The following SLC12A9 variants were observed in gnomAD, a reference collection of about 807,000 sequenced individuals.
SLC12A9 encodes solute carrier family 12 member 9, also known as CCC-interacting protein 1.
SLC12A9 carries 55 observed loss-of-function variants against 66.0 expected under a neutral mutation model. That is an observed-to-expected ratio of 0.83 (90% CI 0.67 to 1.04). SLC12A9 has a LOEUF of 1.04. Ranked by LOEUF, SLC12A9 falls within the 50% of genes least tolerant of loss-of-function variation. SLC12A9 has a pLI of 0.00. For missense variants in SLC12A9, 1,061 were observed against 1,241.9 expected (o/e 0.85, Z 2.19); for synonymous variants, 577 against 569.0 (o/e 1.01, Z -0.20).
upstream of SLC12A9, among the ~76,000 whole-genome samples, chr7:100,848,942 G>A (rs1813992457): frequency 6.6e-6 from 1 of 151,042 alleles, no homozygotes; most frequent in Non-Finnish European, 1.5e-5. Context: ...GAAAGAGCTA[G>A]GATAGACAAC....
At chr7:100,856,468 A>G (rs754277679) in intron 4 of SLC12A9, 20 of 170,464 alleles carry the variant, frequency 1.2e-4, no homozygotes, top group Admixed American at 2.9e-4. Context: ...TCAGCTTCCC[A>G]AAGTGTTGGG....
intron 1 of SLC12A9, among the ~76,000 whole-genome samples, chr7:100,842,973 C>G (rs185230151): frequency 6.6e-6 from 1 of 152,258 alleles, no homozygotes; most frequent in Non-Finnish European, 1.5e-5. Context: ...AAGTTCACTT[C>G]GTATCTCTCA....
At chr7:100,854,576 G>A (rs1056324317) in intron 2 of SLC12A9, 44 bp from the exon 3 acceptor site, 2 of 1,611,884 alleles carry the variant, frequency 1.2e-6, no homozygotes, top group Admixed American at 1.7e-5. Context: ...TGGGGGATAT[G>A]GGGTGTGAGT....
rs752050921 is a variant in SLC12A9, at chr7:100,866,257, GGA to G, written c.2399_2400del (p.Glu800GlyfsTer62). The G allele has an allele frequency of 6.3e-7, 1 of 1,586,774 alleles. No individual in the cohort carries two copies. Among genetic ancestry groups the G allele is most frequent in the South Asian group, 1.1e-5 (1 of 88,770 alleles). On this transcript the variant is annotated frameshift_variant, in exon 14 of 14. Transcript: ENST00000354161. LOFTEE classifies it low-confidence loss of function (END_TRUNC). This position sits in a 1 kb window ranked among gnomAD's most constrained non-coding sequence, Gnocchi z 7.3. Reference protein sequence around the residue: ...SQLRIRAEVQEVVWGEGAGAG... With the variant: ...SQLRIRAEVQXVVWGEGAGAG... ...AACTGAGGATCCGGGCTGAGGTGCA[GGA>G]GGTGGTGTGGGGCGAGGGGGCCGGG...
chr7:100,853,345 C>A (rs1241612852), intron 1 of SLC12A9: 3 of 152,164 alleles, frequency 2.0e-5, no homozygotes, highest in African/African-American at 7.2e-5. Context: ...CGTCAGAGAA[C>A]CTTTGCCCCT....
chr7:100,864,238 C>T (rs1814939356), intron 13 of SLC12A9, among the ~76,000 whole-genome samples: 1 of 151,960 alleles, frequency 6.6e-6, no homozygotes, highest in Admixed American at 6.6e-5. Context: ...CCAGCATTGT[C>T]CGGCTAATTT....
chr7:100,861,271 C>T lies in SLC12A9; in HGVS notation c.1343+9C>T, dbSNP rs777627233. 2 of 1,614,184 alleles carry T rather than the reference C, an allele frequency of 1.2e-6. No homozygotes were observed. The highest frequency in any genetic ancestry group is 1.7e-6 in the Non-Finnish European group (2 of 1,180,034). ...TCGGCCCCCAACTTCCGGTGAGAGA[C>T]TCAGATCTGTGTCCCCAGAGAGAAG... is the stretch of plus-strand genomic sequence containing the variant. On this transcript the variant is annotated intron_variant, in intron 10 of 13. Transcript: ENST00000354161. The surrounding 1 kb of genome is among the most constrained non-coding windows in gnomAD (Gnocchi z 5.3).
intron 1 of SLC12A9, among the ~76,000 whole-genome samples, chr7:100,839,446 C>T (rs906186685): frequency 2.6e-5 from 4 of 152,336 alleles, no homozygotes; most frequent in East Asian, 3.9e-4. Context: ...GAGTTTTCTG[C>T]GCCTCGTCCT....
rs751471817 is a variant in SLC12A9 at position 100,858,913 on chromosome 7, C to T, written c.836C>T (p.Thr279Ile). Residue 279 changes from threonine (T) to isoleucine (I), a missense_variant, in exon 6 of 14, where the codon ACA (threonine) becomes ATA (isoleucine). Coordinates refer to ENST00000354161, the MANE Select transcript of SLC12A9 (RefSeq NM_020246.4). ...TTTGCTGTCCTCTTTAACGGCTGTA[C>T]AGGCATCATGGCTGGGGCCAACATG... is the stretch of plus-strand genomic sequence containing the variant. ...SVFAVLFNGCTGIMAGANMSG... is the reference protein window; with the variant it reads ...SVFAVLFNGCIGIMAGANMSG... 6.2e-7 allele frequency: 1 copy of T among 1,614,182 alleles called. No individual in the cohort carries two copies. The highest frequency in any genetic ancestry group is 1.7e-5 in the Admixed American group (1 of 60,020).
rs755248894 is a variant in SLC12A9, at chr7:100,859,136, T to C, written c.952T>C (p.Phe318Leu). 1.2e-6 allele frequency: 2 copies of C among 1,613,966 alleles called. No individual in the cohort carries two copies. Among genetic ancestry groups the C allele is most frequent in the Non-Finnish European group, 1.7e-6 (2 of 1,180,016 alleles). ...YTFFVYVLLF[F>L]LSSFTCDRTL... ...CTTCTTCGTCTATGTCCTGCTTTTC[T>C]TTCTCTCCAGCTTCACTTGTGACAG... Residue 318 changes from phenylalanine (F) to leucine (L), a missense_variant, in exon 7 of 14, where the codon TTT becomes CTT. Physicochemically the swap from Phe to Leu is conservative, Grantham distance 22. Transcript: ENST00000354161.
intron 1 of SLC12A9, among the ~76,000 whole-genome samples, chr7:100,836,147 A>G (rs538392379): frequency 6.6e-6 from 1 of 152,234 alleles, no homozygotes; most frequent in East Asian, 1.9e-4. Context: ...TTCCCTGACT[A>G]TTGTGTCCTG....
chr7:100,861,531 C>G lies in SLC12A9; in HGVS notation c.1483C>G (p.Arg495Gly). 6.2e-7 allele frequency: 1 copy of G among 1,613,796 alleles called. No individual in the cohort carries two copies. The highest frequency in any genetic ancestry group is 8.5e-7 in the Non-Finnish European group (1 of 1,180,024). Residue 495 changes from arginine to glycine, a missense_variant, in exon 11 of 14, where the codon CGA (arginine) becomes GGA (glycine). By Grantham distance (125) the Arg-to-Gly change is moderately radical (BLOSUM62 -2). Coordinates refer to ENST00000354161, the MANE Select transcript of SLC12A9 (RefSeq NM_020246.4). The surrounding 1 kb of genome is among the most constrained non-coding windows in gnomAD (Gnocchi z 5.3). ...TCTGCTGGCTGCCCTGCTCACCGCGCGAGGAGGCCCCAGTAGCTGGGGCTA... is the reference window on the plus strand; with the variant it reads ...TCTGCTGGCTGCCCTGCTCACCGCGGGAGGAGGCCCCAGTAGCTGGGGCTA... Reference protein sequence around the residue: ...MGLLAALLTARGGPSSWGYVS... With the variant: ...MGLLAALLTAGGGPSSWGYVS...
upstream of SLC12A9, among the ~76,000 whole-genome samples, chr7:100,850,722 CT>C (rs552170386): frequency 5.1e-3 from 717 of 141,370 alleles, 1 homozygote; most frequent in Middle Eastern, 0.015. Context: ...TCTTCTTCTT[CT>C]TTTTTTTTTT....
chr7:100,848,307 C>G (rs988691848), upstream of SLC12A9, among the ~76,000 whole-genome samples: 4 of 151,338 alleles, frequency 2.6e-5, no homozygotes, highest in Non-Finnish European at 5.9e-5. Context: ...CAGTTCAAGA[C>G]CAGCCTGGGC....
At chr7:100,835,703 G>A (rs1273832502) in intron 1 of SLC12A9, among the ~76,000 whole-genome samples, 1 of 152,076 alleles carries the variant, frequency 6.6e-6, no homozygotes, top group Non-Finnish European at 1.5e-5. Flanking sequence ...GAGTGTGATT[G>A]ACCCTTTAAC....
At chr7:100,850,988 G>C (rs570320016), upstream of SLC12A9, among the ~76,000 whole-genome samples, 3 of 152,054 alleles carry the variant, frequency 2.0e-5, no homozygotes, top group Non-Finnish European at 4.4e-5. Flanking sequence ...AAAGTGCTGG[G>C]ATTACAGGCG....
chr7:100,857,017 G>T lies in SLC12A9; in HGVS notation c.598G>T (p.Val200Phe). 1 of 1,614,174 alleles carries T rather than the reference G, an allele frequency of 6.2e-7. No homozygotes were observed. The highest frequency in any genetic ancestry group is 1.1e-5 in the South Asian group (1 of 91,080). Residue 200 changes from valine to phenylalanine, a missense_variant, in exon 5 of 14, where the codon GTC becomes TTC. Physicochemically the swap from Val to Phe is conservative, Grantham distance 50. Transcript: ENST00000354161. ...GGCCTCATTCCTCACATTCCTGCTG[G>T]TCTCTGGCTCCCTGGCCTCTGTGCT... is the stretch of plus-strand genomic sequence containing the variant. The part of the protein sequence containing the change: ...ARASFLTFLL[V>F]SGSLASVLIS...
intron 9 of SLC12A9, chr7:100,860,839 G>T (rs926003185): frequency 2.0e-6 from 1 of 494,688 alleles, no homozygotes; most frequent in African/African-American, 1.9e-5. Flanking sequence ...TGACACTTTG[G>T]GGGTACACTG....
chr7:100,854,161 C>A lies in SLC12A9; in HGVS notation c.-37C>A. 1 of 1,521,414 alleles carries A rather than the reference C, an allele frequency of 6.6e-7. No homozygotes were observed. Among genetic ancestry groups the A allele is most frequent in the South Asian group, 1.4e-5 (1 of 72,274 alleles). 94.2% of individuals were successfully genotyped at this position (1,521,414 alleles called of 1,614,324 possible). ...CAACATAATCTCCTTTGCAGGTCAC[C>A]TAACCCATTTGTGGCTTCCTCTACC... On this transcript the variant is annotated 5_prime_UTR_variant, in exon 2 of 14. Coordinates refer to ENST00000354161, the MANE Select transcript of SLC12A9 (RefSeq NM_020246.4).
Sources: allele counts gnomAD v4.1 joint callset (sites outside exome capture counted in the v4.1 genomes callset), GRCh38; gene constraint gnomAD v4.1.1; non-coding constraint Gnocchi (gnomAD v3.1); transcripts MANE v1.5; gene names NCBI Gene and HGNC (gene_info 2026-07-23, HGNC 2026-07-21).